The following KLHL7 variants were observed in gnomAD, a reference collection of about 807,000 sequenced individuals.
The protein encoded by KLHL7 is kelch-like protein 7.
KLHL7 carries 44 observed loss-of-function variants against 67.4 expected under a neutral mutation model. The ratio of observed to expected loss-of-function variants is 0.65; its 90% CI spans 0.51 to 0.84. The LOEUF is 0.84. Ranked by LOEUF, KLHL7 falls within the 40% of genes least tolerant of loss-of-function variation. The pLI, the probability that KLHL7 is intolerant of heterozygous loss-of-function variation, is 0.00. For missense variants in KLHL7, 362 were observed against 718.1 expected, an observed-to-expected ratio of 0.50 and a Z score of 5.67; for synonymous variants, 252 against 243.3, an observed-to-expected ratio of 1.04 and a Z score of -0.33.
intron 1 of KLHL7, among the ~76,000 whole-genome samples, chr7:23,122,603 A>T (rs186160178): frequency 1.3e-5 from 2 of 152,228 alleles, no homozygotes; most frequent in Non-Finnish European, 2.9e-5. Context: ...AATAGTCAAT[A>T]CTAGGCCTTA....
chr7:23,155,384 C>A (rs1221953302), intron 7 of KLHL7, among the ~76,000 whole-genome samples: 1 of 151,980 alleles, frequency 6.6e-6, no homozygotes, highest in Non-Finnish European at 1.5e-5. Flanking sequence ...AATTCTAGGC[C>A]AGGCACGGTG....
In KLHL7 at chr7:23,123,828, C is replaced by G. The variant is rs1644597349; in HGVS notation, c.172C>G (p.His58Asp). Reference protein sequence around the residue: ...LMVQERKIPAHRVVLAAASHF... With the variant: ...LMVQERKIPADRVVLAAASHF... ...GGTCCAGGAAAGAAAGATACCTGCT[C>G]ATCGTGTTGTTCTTGCTGCAGCCAG... The change falls in exon 2 of 11, where the codon CAT becomes GAT. Residue 58 changes from histidine to aspartate, a missense_variant. Coordinates refer to ENST00000339077, the MANE Select transcript of KLHL7 (RefSeq NM_001031710.3). 6.2e-7 allele frequency: 1 copy of G among 1,613,646 alleles called. No individual in the cohort carries two copies. Among genetic ancestry groups the G allele is most frequent in the Non-Finnish European group, 8.5e-7 (1 of 1,179,910 alleles).
chr7:23,106,186 G>C lies in KLHL7; in HGVS notation c.120+40G>C, dbSNP rs765271502. ...GGAGTGACGGACGACGGTGGGAGGT[G>C]GTCCGGGGCTCGGGCCCCTGGTTCC... is the stretch of plus-strand genomic sequence containing the variant. On this transcript the variant is annotated intron_variant, in intron 1 of 10. Transcript: ENST00000339077. 2.5e-6 allele frequency: 4 copies of C among 1,601,528 alleles called. No homozygotes were observed. In the South Asian group the frequency reaches 4.5e-5, roughly 18 times the overall value.
At chr7:23,128,096 G>A (rs1783647419) in intron 4 of KLHL7, among the ~76,000 whole-genome samples, 1 of 150,074 alleles carries the variant, frequency 6.7e-6, no homozygotes, top group African/African-American at 2.5e-5. Context: ...TTGCGCCACT[G>A]CACTCTAGGC....
chr7:23,155,378 C>A (rs1247186831), intron 7 of KLHL7, among the ~76,000 whole-genome samples: 1 of 151,908 alleles, frequency 6.6e-6, no homozygotes, highest in African/African-American at 2.4e-5. Context: ...AATTGTAATT[C>A]TAGGCCAGGC....
At chr7:23,151,163 T>TTTG (rs1784522705) in intron 6 of KLHL7, among the ~76,000 whole-genome samples, 1 of 146,278 alleles carries the variant, frequency 6.8e-6, no homozygotes, top group Non-Finnish European at 1.5e-5. Context: ...TTTTGTTTTT[T>TTTG]TTTTTTTCTT....
chr7:23,150,358 C>G (rs977540929), intron 6 of KLHL7, among the ~76,000 whole-genome samples: 1 of 152,086 alleles, frequency 6.6e-6, no homozygotes, highest in Non-Finnish European at 1.5e-5. Context: ...ATTGTGCATA[C>G]AGTCATTTAC....
At chr7:23,161,504 G>A (rs1583723114) in intron 7 of KLHL7, among the ~76,000 whole-genome samples, 2 of 152,096 alleles carry the variant, frequency 1.3e-5, no homozygotes, top group African/African-American at 4.8e-5. Context: ...TTTTCTTTAG[G>A]ATAAATTCCT....
At chr7:23,156,455 G>A (rs6966929) in intron 7 of KLHL7, among the ~76,000 whole-genome samples, 140,845 of 152,234 alleles carry the variant, frequency 0.93, 65,338 homozygotes, top group East Asian at 0.99. Context: ...GGTGTTCTCA[G>A]TCTGTAACAT....
At chr7:23,146,232 C>T (rs758469271) in intron 6 of KLHL7, among the ~76,000 whole-genome samples, 15 of 152,296 alleles carry the variant, frequency 9.8e-5, no homozygotes, top group Middle Eastern at 3.4e-3. Context: ...TGTTTTCATC[C>T]CTACCTGCAC....
At chr7:23,144,786 A>G (rs918347451) in intron 6 of KLHL7, among the ~76,000 whole-genome samples, 26 of 152,148 alleles carry the variant, frequency 1.7e-4, no homozygotes, top group African/African-American at 6.3e-4. Flanking sequence ...CAAATCTCAT[A>G]TGTTTATTTT....
At position 23,177,720 on chromosome 7, in the gene KLHL7, G is replaced by A. The variant is rs948382763; in HGVS notation, c.*3422G>A. The A allele has an allele frequency of 2.0e-5, 3 of 152,044 alleles. No individual in the cohort carries two copies. The highest frequency in any genetic ancestry group is 7.2e-5 in the African/African-American group (3 of 41,406). 9.4% of individuals were successfully genotyped at this position (152,044 alleles called of 1,614,324 possible). A position where few individuals can be genotyped will look rare whatever the true frequency, so the allele number is the denominator to read the frequency against. On this transcript the variant is annotated 3_prime_UTR_variant, in exon 11 of 11. Transcript: ENST00000339077. ...GCTTTCAAAAATCACAATTCGGTCA[G>A]AAAAGTTTAGCATCTTAAAAAAATT...
At chr7:23,164,320 C>A (rs1403551768) in intron 7 of KLHL7, among the ~76,000 whole-genome samples, 2 of 151,974 alleles carry the variant, frequency 1.3e-5, no homozygotes, top group African/African-American at 4.8e-5. Flanking sequence ...AATTGTAATT[C>A]TCTGCTACAT....
At chr7:23,119,353 C>T (rs1241419613) in intron 1 of KLHL7, among the ~76,000 whole-genome samples, 3 of 152,126 alleles carry the variant, frequency 2.0e-5, no homozygotes. Context: ...TACAGGCGTG[C>T]GCCACCACGT....
chr7:23,114,382 C>T (rs1448689409), intron 1 of KLHL7, among the ~76,000 whole-genome samples: 3 of 152,302 alleles, frequency 2.0e-5, no homozygotes, highest in Admixed American at 2.0e-4. Context: ...GGGAGATTAA[C>T]AAGTACTTGC....
chr7:23,138,872 G>A lies in KLHL7; in HGVS notation c.443-1897G>A, dbSNP rs77580510. 3.4e-3 allele frequency among the ~76,000 whole-genome samples: 523 copies of A among 152,048 alleles called. 2 individuals are homozygous for A. The highest frequency in any genetic ancestry group is 0.011 in the African/African-American group (469 of 41,440). On this transcript the variant is annotated intron_variant, in intron 4 of 10. Coordinates refer to ENST00000339077, the MANE Select transcript of KLHL7 (RefSeq NM_001031710.3). ...GTGCTCCAGGCTTGAAGGCTTTGTG[G>A]GTTAATTCTATCAACCTTTCAAAGA...
chr7:23,111,399 C>G (rs1224907480), intron 1 of KLHL7, among the ~76,000 whole-genome samples: 2 of 152,196 alleles, frequency 1.3e-5, no homozygotes, highest in Admixed American at 6.5e-5. Context: ...GGCGAAGTAG[C>G]TAGAGACCTG....
At chr7:23,136,858 T>G (rs1239221177) in intron 4 of KLHL7, among the ~76,000 whole-genome samples, 1 of 152,234 alleles carries the variant, frequency 6.6e-6, no homozygotes, top group Non-Finnish European at 1.5e-5. Flanking sequence ...AAAGTATTTC[T>G]TAGAAGGAAA....
intron 4 of KLHL7, chr7:23,125,922 A>G (rs776113420): frequency 2.2e-6 from 3 of 1,359,044 alleles, no homozygotes; most frequent in Non-Finnish European, 3.1e-6. Context: ...CTGAAACTGC[A>G]GATAGTACTG....
Sources: gnomAD v4.1 joint callset for allele counts (sites outside exome capture counted in the v4.1 genomes callset) on GRCh38, gnomAD v4.1.1 for gene constraint, MANE v1.5 for transcripts, NCBI Gene and HGNC (gene_info 2026-07-23, HGNC 2026-07-21) for gene names.